PDE4D: variants seen among roughly 807,000 people sequenced by gnomAD.
PDE4D encodes the protein phosphodiesterase 4D, also known as 3',5'-cyclic-AMP phosphodiesterase 4D.
In PDE4D, 24 loss-of-function variants were observed where a neutral mutation model predicts 87.4. The ratio of observed to expected loss-of-function variants is 0.27; its 90% CI spans 0.20 to 0.39. The LOEUF (loss-of-function observed/expected upper bound fraction) is 0.39, where lower values mean the gene tolerates loss of function less well. PDE4D is among the 10% of genes least tolerant of loss of function. The probability of loss-of-function intolerance (pLI) is 1.00; values close to 1 mark genes in which losing one functional copy is unlikely to be tolerated. For missense variants in PDE4D, 714 were observed against 1,041.0 expected, an observed-to-expected ratio of 0.69 and a Z score of 4.32; for synonymous variants, 384 against 383.2, an observed-to-expected ratio of 1.00 and a Z score of -0.02.
chr5:59,507,026 C>G (rs1346518028), intron 1 of PDE4D, among the ~76,000 whole-genome samples: 1 of 152,014 alleles, frequency 6.6e-6, no homozygotes, highest in Non-Finnish European at 1.5e-5. Context: ...AAAAATAAAA[C>G]AAATATTTAC....
At chr5:60,007,333 A>G (rs1158703421) in intron 2 of PDE4D, among the ~76,000 whole-genome samples, 1 of 152,056 alleles carries the variant, frequency 6.6e-6, no homozygotes, top group East Asian at 1.9e-4. Context: ...TACAAATACC[A>G]GGGAATAAAA....
intron 1 of PDE4D, among the ~76,000 whole-genome samples, chr5:59,726,434 C>T (rs1756600264): frequency 6.6e-6 from 1 of 151,974 alleles, no homozygotes; most frequent in Non-Finnish European, 1.5e-5. Context: ...AGGGTGGGGC[C>T]TGCAATGATG....
chr5:59,609,224 G>A (rs893190), intron 1 of PDE4D, among the ~76,000 whole-genome samples: 11,457 of 152,108 alleles, frequency 0.075, 594 homozygotes, highest in Admixed American at 0.13. Flanking sequence ...CTCATCATTG[G>A]TGCTATTCGT....
chr5:59,325,021 G>A (rs1033938507), intron 1 of PDE4D, among the ~76,000 whole-genome samples: 2 of 152,126 alleles, frequency 1.3e-5, no homozygotes, highest in African/African-American at 4.8e-5. Flanking sequence ...GGATGTAGAA[G>A]TCTTCTGATT....
chr5:59,994,168 T>C (rs1034460185), intron 2 of PDE4D, among the ~76,000 whole-genome samples: 10 of 151,954 alleles, frequency 6.6e-5, no homozygotes, highest in African/African-American at 2.4e-4. Flanking sequence ...AACACAGGCA[T>C]GCACATTACT....
intron 1 of PDE4D, among the ~76,000 whole-genome samples, chr5:59,514,893 C>T (rs1385766793): frequency 6.6e-6 from 1 of 152,128 alleles, no homozygotes; most frequent in African/African-American, 2.4e-5. Flanking sequence ...TAAGAATCCT[C>T]AAGGATTACA....
chr5:59,968,471 G>T (rs1047424402), intron 3 of PDE4D, among the ~76,000 whole-genome samples: 9 of 151,980 alleles, frequency 5.9e-5, no homozygotes, highest in Non-Finnish European at 1.2e-4. Context: ...TACCTATCTT[G>T]TACTATGCTC....
At chr5:60,207,281 T>C (rs906372550) in intron 1 of PDE4D, among the ~76,000 whole-genome samples, 4 of 152,130 alleles carry the variant, frequency 2.6e-5, no homozygotes, top group African/African-American at 9.7e-5. Context: ...TAACCTAAGA[T>C]GGTTAAGGGG....
chr5:60,193,490 G>GA (rs1248372155), intron 1 of PDE4D, among the ~76,000 whole-genome samples: 1 of 151,776 alleles, frequency 6.6e-6, no homozygotes, highest in African/African-American at 2.4e-5. Flanking sequence ...CTAACAAGAT[G>GA]AAACCCCGTC....
intron 1 of PDE4D, among the ~76,000 whole-genome samples, chr5:59,555,985 T>C (rs697076): frequency 0.7 from 106,843 of 151,950 alleles, 38,315 homozygotes; most frequent in South Asian, 0.83. Flanking sequence ...ATGATCCTAT[T>C]TCACGTGAAT....
chr5:59,531,121 A>C (rs1814139888), intron 1 of PDE4D, among the ~76,000 whole-genome samples: 1 of 152,204 alleles, frequency 6.6e-6, no homozygotes, highest in African/African-American at 2.4e-5. Context: ...CTTCATCCTA[A>C]ATCATCACAC....
intron 5 of PDE4D, among the ~76,000 whole-genome samples, chr5:59,153,799 C>T (rs774595138): frequency 1.9e-4 from 28 of 151,148 alleles, no homozygotes; most frequent in Non-Finnish European, 3.8e-4. Context: ...GAGGCATAGA[C>T]CATAATTTTT....
chr5:60,060,456 G>T (rs1344823875), intron 2 of PDE4D, among the ~76,000 whole-genome samples: 2 of 152,016 alleles, frequency 1.3e-5, no homozygotes, highest in African/African-American at 4.8e-5. Flanking sequence ...CCCAGTTCCA[G>T]GAATGCCTCT....
intron 2 of PDE4D, among the ~76,000 whole-genome samples, chr5:60,151,080 G>A (rs1347540179): frequency 6.6e-6 from 1 of 152,188 alleles, no homozygotes; most frequent in East Asian, 1.9e-4. Flanking sequence ...ATAACACACT[G>A]ATTATTTGAT....
chr5:59,857,923 G>A (rs1745691036), intron 1 of PDE4D, among the ~76,000 whole-genome samples: 1 of 131,158 alleles, frequency 7.6e-6, no homozygotes, highest in South Asian at 2.9e-4. Flanking sequence ...GAGGGAAGGG[G>A]GGAGGGAGGA....
At chr5:59,163,176 C>A (rs902280777) in intron 5 of PDE4D, among the ~76,000 whole-genome samples, 6 of 151,032 alleles carry the variant, frequency 4.0e-5, no homozygotes, top group African/African-American at 1.2e-4. Context: ...GAACTCCTGG[C>A]CTCAATCGAT....
intron 1 of PDE4D, among the ~76,000 whole-genome samples, chr5:60,245,865 G>A (rs1747700076): frequency 6.6e-6 from 1 of 151,746 alleles, no homozygotes; most frequent in Admixed American, 6.6e-5. Flanking sequence ...AGGTTTGCTA[G>A]CCCAACAGGG....
intron 1 of PDE4D, among the ~76,000 whole-genome samples, chr5:59,668,543 C>G (rs1746446131): frequency 6.6e-6 from 1 of 151,864 alleles, no homozygotes; most frequent in Admixed American, 6.6e-5. Context: ...GATCTTTTCT[C>G]TACAAAATTT....
intron 1 of PDE4D, among the ~76,000 whole-genome samples, chr5:59,731,156 G>A (rs967214461): frequency 2.7e-4 from 41 of 152,038 alleles, no homozygotes; most frequent in Admixed American, 2.0e-4. Flanking sequence ...GAAGGTAGGG[G>A]CAAGTATATG....
Sources: gnomAD v4.1 joint callset for allele counts (sites outside exome capture counted in the v4.1 genomes callset) on GRCh38, gnomAD v4.1.1 for gene constraint, MANE v1.5 for transcripts, NCBI Gene and HGNC (gene_info 2026-07-23, HGNC 2026-07-21) for gene names.